NELL1: variants seen among roughly 807,000 people sequenced by gnomAD.
The protein encoded by NELL1 is neural EGFL like 1.
Under a neutral mutation model 107.4 loss-of-function variants are expected in NELL1, and 76 were observed. That is an observed-to-expected ratio of 0.71 (90% CI 0.59 to 0.86). NELL1 has a LOEUF of 0.86. Ranked by LOEUF, NELL1 falls within the 40% of genes least tolerant of loss-of-function variation. The pLI is 0.00. For synonymous variants in NELL1, 353 were observed against 341.2 expected (o/e 1.03, Z -0.38); for missense variants, 1,024 against 1,005.5 (o/e 1.02, Z -0.25).
intron 2 of NELL1, among the ~76,000 whole-genome samples, chr11:20,679,869 A>G (rs761167487): frequency 2.0e-5 from 3 of 152,208 alleles, no homozygotes; most frequent in African/African-American, 7.2e-5. Flanking sequence ...TTTCTTTTGT[A>G]CTATGTACCT....
intron 12 of NELL1, among the ~76,000 whole-genome samples, chr11:21,084,399 C>G (rs1222859196): frequency 6.6e-6 from 1 of 152,120 alleles, no homozygotes; most frequent in Non-Finnish European, 1.5e-5. Context: ...CATATGATTG[C>G]TGATAGCATA....
chr11:21,554,907 A>G (rs1856670043), intron 16 of NELL1, among the ~76,000 whole-genome samples: 1 of 151,932 alleles, frequency 6.6e-6, no homozygotes, highest in Non-Finnish European at 1.5e-5. Flanking sequence ...AGTGCCAGGC[A>G]AACTGGTATC....
intron 12 of NELL1, among the ~76,000 whole-genome samples, chr11:20,965,252 G>A (rs892757727): frequency 3.3e-5 from 5 of 152,102 alleles, no homozygotes; most frequent in African/African-American, 4.8e-5. Flanking sequence ...CATGGTAAAT[G>A]GATTTCCCAA....
chr11:20,891,080 G>A (rs1040781013), intron 5 of NELL1, among the ~76,000 whole-genome samples: 5 of 152,126 alleles, frequency 3.3e-5, no homozygotes, highest in Non-Finnish European at 7.4e-5. Context: ...AGGTTGAAAT[G>A]AAGGAAAAAA....
At chr11:21,382,093 T>C (rs1340150875) in intron 15 of NELL1, among the ~76,000 whole-genome samples, 1 of 151,806 alleles carries the variant, frequency 6.6e-6, no homozygotes, top group Non-Finnish European at 1.5e-5. Context: ...TTCTTAGTTC[T>C]TCGTTGATTC....
chr11:21,425,845 A>G (rs1399147617), intron 15 of NELL1, among the ~76,000 whole-genome samples: 1 of 152,242 alleles, frequency 6.6e-6, no homozygotes, highest in East Asian at 1.9e-4. Context: ...GAATTTAAAA[A>G]GAAGTATCTT....
In NELL1 at chr11:21,295,221, A is replaced by C. The variant is rs559749642; in HGVS notation, c.1549+65767A>C. 7.9e-5 allele frequency among the ~76,000 whole-genome samples: 12 copies of C among 152,240 alleles called. No homozygotes were observed. The East Asian group carries it at 2.3e-3, about 29-fold the overall frequency. On this transcript the variant is annotated intron_variant, in intron 14 of 19. Coordinates refer to ENST00000357134, the MANE Select transcript of NELL1 (RefSeq NM_006157.5). ...TGCTCAAGGTCAATTACAGATAGTAAGTAGGGAACCAGGATTAAAACCCAG... is the reference window on the plus strand; with the variant it reads ...TGCTCAAGGTCAATTACAGATAGTACGTAGGGAACCAGGATTAAAACCCAG...
chr11:21,575,311 C>A lies in NELL1; in HGVS notation c.*289C>A, dbSNP rs1325261015. 6.4e-6 allele frequency: 2 copies of A among 313,028 alleles called. No individual in the cohort carries two copies. Among genetic ancestry groups the A allele is most frequent in the East Asian group, 1.1e-4 (2 of 18,948 alleles). 19.4% of individuals were successfully genotyped at this position (313,028 alleles called of 1,614,324 possible). ...CATGTTTCCCTTATCAGATCATTTG[C>A]AAATACATTTAAATGATCTCATGGT... On this transcript the variant is annotated 3_prime_UTR_variant, in exon 20 of 20. Transcript: ENST00000357134.
At chr11:21,429,051 G>A (rs1461646380) in intron 15 of NELL1, among the ~76,000 whole-genome samples, 1 of 152,232 alleles carries the variant, frequency 6.6e-6, no homozygotes, top group South Asian at 2.1e-4. Context: ...TTAAATAATA[G>A]ACCTTTTCAT....
chr11:21,267,283 C>T (rs920997306), intron 14 of NELL1, among the ~76,000 whole-genome samples: 4 of 151,952 alleles, frequency 2.6e-5, no homozygotes, highest in Non-Finnish European at 5.9e-5. Flanking sequence ...AGAAATACTA[C>T]TCACTATACT....
chr11:20,817,856 T>C (rs145158247), intron 3 of NELL1, among the ~76,000 whole-genome samples: 1,533 of 152,040 alleles, frequency 0.01, 14 homozygotes, highest in Middle Eastern at 0.027. Flanking sequence ...ATTTCTGCCT[T>C]GTTTTAATTG....
At chr11:20,760,469 T>C (rs1856394307) in intron 2 of NELL1, among the ~76,000 whole-genome samples, 1 of 152,204 alleles carries the variant, frequency 6.6e-6, no homozygotes, top group African/African-American at 2.4e-5. Context: ...TGCAGATTAC[T>C]AATAGTTTTA....
chr11:21,177,756 T>G (rs1356859763), intron 13 of NELL1, among the ~76,000 whole-genome samples: 1 of 151,890 alleles, frequency 6.6e-6, no homozygotes, highest in Non-Finnish European at 1.5e-5. Flanking sequence ...CCCATTCCCT[T>G]TTCTTCACAT....
At chr11:20,816,535 G>A (rs1196041518) in intron 3 of NELL1, among the ~76,000 whole-genome samples, 2 of 152,106 alleles carry the variant, frequency 1.3e-5, no homozygotes, top group Non-Finnish European at 2.9e-5. Context: ...TCAGTTATAG[G>A]AGTCTTTTAG....
At chr11:20,915,717 A>ATATATATATATATATTTTTTTTTTT in intron 5 of NELL1, among the ~76,000 whole-genome samples, 24 of 58,208 alleles carry the variant, frequency 4.1e-4, no homozygotes, top group African/African-American at 1.9e-3. Context: ...ATATATATAT[A>ATATATATATATATATTTTTTTTTTT]TTTTTTTTTT....
intron 17 of NELL1, among the ~76,000 whole-genome samples, chr11:21,562,612 CA>C (rs1223726180): frequency 6.6e-6 from 1 of 151,996 alleles, no homozygotes; most frequent in Non-Finnish European, 1.5e-5. Context: ...TGCTCTGTTT[CA>C]ATTCAATTTG....
intron 2 of NELL1, among the ~76,000 whole-genome samples, chr11:20,768,824 G>A (rs989779500): frequency 5.3e-5 from 8 of 152,142 alleles, no homozygotes; most frequent in Non-Finnish European, 7.3e-5. Context: ...GAGTATGGCC[G>A]TGCCCCCATC....
At chr11:20,991,422 T>G (rs929675818) in intron 12 of NELL1, among the ~76,000 whole-genome samples, 2 of 152,226 alleles carry the variant, frequency 1.3e-5, no homozygotes, top group African/African-American at 4.8e-5. Flanking sequence ...ATTTAATTTT[T>G]GTACCAATTA....
intron 4 of NELL1, among the ~76,000 whole-genome samples, chr11:20,871,381 A>G (rs1207366318): frequency 2.0e-5 from 3 of 152,220 alleles, no homozygotes; most frequent in Admixed American, 6.5e-5. Context: ...TTTGCTGTTC[A>G]TCTGCCCTAT....
Sources: allele counts gnomAD v4.1 joint callset (sites outside exome capture counted in the v4.1 genomes callset), GRCh38; gene constraint gnomAD v4.1.1; transcripts MANE v1.5; gene names NCBI Gene and HGNC (gene_info 2026-07-23, HGNC 2026-07-21).